DCC: variants seen among roughly 807,000 people sequenced by gnomAD.
DCC encodes netrin receptor DCC.
Under a neutral mutation model 172.5 loss-of-function variants are expected in DCC, and 58 were observed. The ratio of observed to expected loss-of-function variants is 0.34; its 90% CI spans 0.27 to 0.42. The LOEUF (loss-of-function observed/expected upper bound fraction) is 0.42, where lower values mean the gene tolerates loss of function less well. Among genes scored for constraint, DCC ranks in the 10% least tolerant of loss-of-function variants. The probability of loss-of-function intolerance (pLI) is 1.00; values close to 1 mark genes in which losing one functional copy is unlikely to be tolerated. For missense variants in DCC, 1,740 were observed against 1,791.0 expected, an observed-to-expected ratio of 0.97 and a Z score of 0.51; for synonymous variants, 709 against 644.5, an observed-to-expected ratio of 1.10 and a Z score of -1.52.
intron 24 of DCC, among the ~76,000 whole-genome samples, chr18:53,462,778 ACC>A (rs2045576042): frequency 2.6e-5 from 4 of 152,082 alleles, no homozygotes; most frequent in African/African-American, 9.7e-5. Context: ...GTCCAGGCTT[ACC>A]ACCTAACACA....
At chr18:52,700,866 T>C (rs1282645918) in intron 1 of DCC, among the ~76,000 whole-genome samples, 2 of 152,202 alleles carry the variant, frequency 1.3e-5, no homozygotes, top group African/African-American at 4.8e-5. Context: ...AAAGTAAAGG[T>C]ATTATTGCCC....
At chr18:53,299,509 T>C (rs551060575) in intron 12 of DCC, among the ~76,000 whole-genome samples, 3 of 152,210 alleles carry the variant, frequency 2.0e-5, no homozygotes, top group Non-Finnish European at 4.4e-5. Flanking sequence ...CAAATCACAC[T>C]TGAAGGATGA....
intron 1 of DCC, among the ~76,000 whole-genome samples, chr18:52,593,250 C>T (rs2033838818): frequency 6.6e-6 from 1 of 152,126 alleles, no homozygotes; most frequent in African/African-American, 2.4e-5. Flanking sequence ...AAGCCAATGT[C>T]CTGCCAGTTT....
intron 1 of DCC, among the ~76,000 whole-genome samples, chr18:52,749,245 C>G (rs1049419014): frequency 1.3e-5 from 2 of 151,892 alleles, no homozygotes; most frequent in Non-Finnish European, 2.9e-5. Context: ...CAGGAAAGAA[C>G]AGGCAAACAG....
In DCC at chr18:53,489,541, G is replaced by T. The variant is rs1226793727; in HGVS notation, c.3898+2583G>T. On this transcript the variant is annotated intron_variant, in intron 26 of 28. Transcript: ENST00000442544. ...GAATCTGGGTGGATATATCTTATTA[G>T]TCGCCTTGGGAAACAGAGAAAGGCA... 2.7e-4 allele frequency among the ~76,000 whole-genome samples: 41 copies of T among 152,092 alleles called. 1 individual carries two copies. Among genetic ancestry groups the T allele is most frequent in the Admixed American group, 2.7e-3 (41 of 15,262 alleles).
intron 8 of DCC, among the ~76,000 whole-genome samples, chr18:53,174,300 G>A (rs1334390080): frequency 6.8e-6 from 1 of 147,292 alleles, no homozygotes; most frequent in African/African-American, 2.5e-5. Flanking sequence ...ACATTCAAAA[G>A]CTAGCAGAAG....
At chr18:52,404,902 A>G (rs1442146860) in intron 1 of DCC, among the ~76,000 whole-genome samples, 1 of 148,628 alleles carries the variant, frequency 6.7e-6, no homozygotes, top group Non-Finnish European at 1.5e-5. Context: ...TATGAGTGAG[A>G]ATATGCGGTG....
intron 3 of DCC, among the ~76,000 whole-genome samples, chr18:52,919,396 C>T (rs758415653): frequency 1.9e-4 from 29 of 152,096 alleles, no homozygotes; most frequent in Admixed American, 3.9e-4. Context: ...AATTGTGTTC[C>T]TTTTGGGGGA....
At chr18:52,415,422 A>G (rs1456972736) in intron 1 of DCC, among the ~76,000 whole-genome samples, 1 of 152,206 alleles carries the variant, frequency 6.6e-6, no homozygotes, top group Non-Finnish European at 1.5e-5. Flanking sequence ...GCTAATTGCC[A>G]TTTGACACAA....
At chr18:52,838,830 G>C (rs563750688) in intron 2 of DCC, among the ~76,000 whole-genome samples, 18 of 152,284 alleles carry the variant, frequency 1.2e-4, no homozygotes, top group African/African-American at 4.1e-4. Context: ...AACTAAAATA[G>C]TTTACCAACA....
chr18:52,902,900 C>G (rs16955817), intron 2 of DCC, among the ~76,000 whole-genome samples: 2,496 of 152,296 alleles, frequency 0.016, 61 homozygotes, highest in African/African-American at 0.054. Context: ...GTGAAATTTT[C>G]AAACATTGCA....
chr18:53,031,823 T>C (rs1489991454), intron 5 of DCC, among the ~76,000 whole-genome samples: 1 of 152,122 alleles, frequency 6.6e-6, no homozygotes, highest in Non-Finnish European at 1.5e-5. Flanking sequence ...TTTAATTATA[T>C]TGAAAATTAA....
At chr18:53,467,562 C>A (rs1248117127) in intron 24 of DCC, among the ~76,000 whole-genome samples, 1 of 151,968 alleles carries the variant, frequency 6.6e-6, no homozygotes. Flanking sequence ...TTTTGTGTTA[C>A]CTTTTATAGC....
chr18:52,695,445 T>A (rs1419803935), intron 1 of DCC, among the ~76,000 whole-genome samples: 1 of 152,230 alleles, frequency 6.6e-6, no homozygotes, highest in Non-Finnish European at 1.5e-5. Context: ...GCTCATGTCT[T>A]TGAAAAACCC....
intron 12 of DCC, among the ~76,000 whole-genome samples, chr18:53,225,305 G>T (rs1374867302): frequency 1.3e-5 from 2 of 152,168 alleles, no homozygotes; most frequent in Non-Finnish European, 2.9e-5. Context: ...AGGCTTGAGG[G>T]AGGTGTTATT....
intron 14 of DCC, among the ~76,000 whole-genome samples, chr18:53,332,176 G>A (rs1320727763): frequency 6.6e-6 from 1 of 152,158 alleles, no homozygotes; most frequent in East Asian, 1.9e-4. Flanking sequence ...TTTTCAAGAA[G>A]TAGAGCTGTC....
chr18:52,653,867 G>C (rs2035192629), intron 1 of DCC, among the ~76,000 whole-genome samples: 1 of 152,174 alleles, frequency 6.6e-6, no homozygotes, highest in Non-Finnish European at 1.5e-5. Flanking sequence ...ATATGCAGTA[G>C]TGAGTTTTAA....
At chr18:52,970,822 A>T (rs1045560882) in intron 5 of DCC, among the ~76,000 whole-genome samples, 4 of 152,172 alleles carry the variant, frequency 2.6e-5, no homozygotes, top group Non-Finnish European at 5.9e-5. Context: ...AGTTAGTAAC[A>T]AGTGGAGCTT....
At chr18:53,215,173 C>A (rs532003506) in intron 11 of DCC, among the ~76,000 whole-genome samples, 1 of 151,984 alleles carries the variant, frequency 6.6e-6, no homozygotes, top group Non-Finnish European at 1.5e-5. Context: ...TTCTGAAATG[C>A]GCAATATCTT....
Sources: allele counts gnomAD v4.1 joint callset (sites outside exome capture counted in the v4.1 genomes callset), GRCh38; gene constraint gnomAD v4.1.1; transcripts MANE v1.5; gene names NCBI Gene and HGNC (gene_info 2026-07-23, HGNC 2026-07-21).